Variants in HSF1 observed in about 807,000 individuals in gnomAD.
The protein encoded by HSF1 is heat shock transcription factor 1.
HSF1 carries 32 observed loss-of-function variants against 51.7 expected under a neutral mutation model. That is an observed-to-expected ratio of 0.62 (90% CI 0.47 to 0.83). The LOEUF (loss-of-function observed/expected upper bound fraction) is 0.83, where lower values mean the gene tolerates loss of function less well. Ranked by LOEUF, HSF1 falls within the 40% of genes least tolerant of loss-of-function variation. The probability of loss-of-function intolerance (pLI) is 0.00; values close to 1 mark genes in which losing one functional copy is unlikely to be tolerated. For missense variants in HSF1, 727 were observed against 717.0 expected, an observed-to-expected ratio of 1.01 and a Z score of -0.16; for synonymous variants, 396 against 309.7, an observed-to-expected ratio of 1.28 and a Z score of -2.92.
chr8:144,297,665 G>C lies in HSF1; in HGVS notation c.117+5791G>C, dbSNP rs570523214. Among the ~76,000 whole-genome samples, 12 of 152,036 alleles carry C rather than the reference G, an allele frequency of 7.9e-5. No individual in the cohort carries two copies. The highest frequency in any genetic ancestry group is 2.4e-4 in the African/African-American group (10 of 41,392). On this transcript the variant is annotated intron_variant, in intron 1 of 12. Coordinates refer to ENST00000528838, the MANE Select transcript of HSF1 (RefSeq NM_005526.4). This position sits in a 1 kb window ranked among gnomAD's most constrained non-coding sequence, Gnocchi z 4.6. ...ACGTGGGCCACAGCTACTCACACAC[G>C]CGCTCCCTTTGCTCCTAAAGCCTAT...
chr8:144,312,463 G>A, intron 9 of HSF1: 1 of 715,238 alleles, frequency 1.4e-6, no homozygotes, highest in East Asian at 2.7e-5. Flanking sequence ...CAGGCTGCCG[G>A]GCCCTGCTCT....
chr8:144,303,070 T>G (rs1406401915), intron 1 of HSF1, among the ~76,000 whole-genome samples: 3 of 152,040 alleles, frequency 2.0e-5, no homozygotes, highest in Non-Finnish European at 4.4e-5. Context: ...GAGTTGCATG[T>G]GAAATTCAGC....
At chr8:144,307,478 G>A (rs1171848006) in intron 1 of HSF1, among the ~76,000 whole-genome samples, 3 of 152,230 alleles carry the variant, frequency 2.0e-5, no homozygotes, top group Non-Finnish European at 4.4e-5. Flanking sequence ...AGAGGCTCAC[G>A]CCTGTAATCC....
chr8:144,301,058 A>G (rs1815829059), intron 1 of HSF1, among the ~76,000 whole-genome samples: 2 of 152,252 alleles, frequency 1.3e-5, no homozygotes, highest in African/African-American at 2.4e-5. Flanking sequence ...CCGAGCTTCA[A>G]GGACATAATA....
chr8:144,300,998 G>T (rs1315690539), intron 1 of HSF1, among the ~76,000 whole-genome samples: 3 of 152,200 alleles, frequency 2.0e-5, no homozygotes, highest in African/African-American at 7.2e-5. Flanking sequence ...AAAAGCAATG[G>T]AAACTGTCCA....
intron 1 of HSF1, among the ~76,000 whole-genome samples, chr8:144,304,230 T>A (rs965727294): frequency 2.6e-5 from 4 of 152,210 alleles, no homozygotes; most frequent in Admixed American, 1.3e-4. Flanking sequence ...AAGAGGAGGC[T>A]GAGGCTCAGA....
rs782778095 is a variant in HSF1 at position 144,312,072 on chromosome 8, C to T, written c.970C>T (p.Leu324Phe). The T allele has an allele frequency of 3.7e-6, 6 of 1,612,440 alleles. No homozygotes were observed. The South Asian group carries it at 5.5e-5, about 15-fold the overall frequency. The change falls in exon 9 of 13, where the codon CTC becomes TTC. Residue 324 changes from leucine to phenylalanine, a missense_variant. Leu to Phe is a conservative substitution (Grantham distance 22, BLOSUM62 0). Transcript: ENST00000528838. ...SPGRPSSVDTLLSPTALIDSI... is the reference protein window; with the variant it reads ...SPGRPSSVDTFLSPTALIDSI... ...CGGGCGCCCATCTTCCGTGGACACC[C>T]TCTTGTCCCCGACCGCCCTCATTGA...
chr8:144,306,652 C>G, intron 1 of HSF1, among the ~76,000 whole-genome samples: 1 of 152,304 alleles, frequency 6.6e-6, no homozygotes, highest in Non-Finnish European at 1.5e-5. Context: ...CGTGAACCAG[C>G]GCAGCCGGCT....
At chr8:144,305,323 C>A (rs1229827741) in intron 1 of HSF1, among the ~76,000 whole-genome samples, 2 of 150,902 alleles carry the variant, frequency 1.3e-5, no homozygotes, top group Non-Finnish European at 2.9e-5. Context: ...TTTTTTGAGA[C>A]AGAGTCTCTT....
chr8:144,291,741 T>G lies in HSF1; in HGVS notation c.-17T>G, dbSNP rs1554840365. ...TCTTTGCGGCCGCTCCCTCCGCCTA[T>G]TCCCTCCTTGCTCGAGATGGATCTG... On this transcript the variant is annotated 5_prime_UTR_variant, in exon 1 of 13. Coordinates refer to ENST00000528838, the MANE Select transcript of HSF1 (RefSeq NM_005526.4). This position sits in a 1 kb window ranked among gnomAD's most constrained non-coding sequence, Gnocchi z 4.1. 2.8e-6 allele frequency: 4 copies of G among 1,435,042 alleles called. No individual in the cohort carries two copies. In the Admixed American group the frequency reaches 8.7e-5, roughly 31 times the overall value. The allele number at this position is 1,435,042 out of a possible 1,614,324, so 88.9% of individuals were successfully genotyped here. A position where few individuals can be genotyped will look rare whatever the true frequency, so the allele number is the denominator to read the frequency against.
At chr8:144,304,947 C>CTTT (rs141886614) in intron 1 of HSF1, among the ~76,000 whole-genome samples, 6 of 138,858 alleles carry the variant, frequency 4.3e-5, no homozygotes, top group Admixed American at 7.2e-5. Context: ...CATTTTAATC[C>CTTT]TTTTTTTTTT....
chr8:144,298,594 G>C (rs1275689550), intron 1 of HSF1, among the ~76,000 whole-genome samples: 1 of 123,726 alleles, frequency 8.1e-6, no homozygotes, highest in African/African-American at 3.1e-5. Context: ...GCGAGAAACT[G>C]TCTCAAAAAA....
intron 2 of HSF1, 191 bp from the exon 3 acceptor site, chr8:144,309,264 A>G: frequency 1.3e-6 from 1 of 741,624 alleles, no homozygotes; most frequent in Non-Finnish European, 2.2e-6. Context: ...TGTCGGGCGC[A>G]GGGAGCCCTG....
Position 144,309,543 on chromosome 8 carries a change from G to A in HSF1, c.315G>A (p.Leu105=). 2 of 1,614,078 alleles carry A rather than the reference G, an allele frequency of 1.2e-6. No individual in the cohort carries two copies. Among genetic ancestry groups the A allele is most frequent in the Non-Finnish European group, 8.5e-7 (1 of 1,180,020 alleles). ...DDTEFQHPCF[L]RGQEQLLENI... The stretch of plus-strand genomic sequence containing the variant: ...CGGAGTTCCAGCACCCATGCTTCCT[G>A]CGTGGCCAGGAGCAGCTCCTTGAGA... Residue 105 remains leucine, a synonymous_variant, in exon 3 of 13, where the codon CTG becomes CTA. Transcript: ENST00000528838.
chr8:144,297,045 T>G lies in HSF1; in HGVS notation c.117+5171T>G, dbSNP rs1311323245. On this transcript the variant is annotated intron_variant, in intron 1 of 12. Coordinates refer to ENST00000528838, the MANE Select transcript of HSF1 (RefSeq NM_005526.4). The surrounding 1 kb of genome is among the most constrained non-coding windows in gnomAD (Gnocchi z 4.6). ...CCACCCAACTCCACAGGCTAGTGTT[T>G]GCTCAGTCCTTTATTGAGGGACCAG... is the stretch of plus-strand genomic sequence containing the variant. Among the ~76,000 whole-genome samples the G allele has an allele frequency of 2.0e-5, 3 of 152,130 alleles. No individual in the cohort carries two copies. The highest frequency in any genetic ancestry group is 4.4e-5 in the Non-Finnish European group (3 of 68,026).
intron 10 of HSF1, 65 bp downstream of exon 10, chr8:144,313,681 G>GCGCCTCCCCGCCTCCCCGCCTCCCGGCCT (rs1378860153): frequency 3.5e-5 from 1 of 28,412 alleles, no homozygotes; most frequent in African/African-American, 3.1e-4. Context: ...CCGCCTCCCC[G>GCGCCTCCCCGCCTCCCCGCCTCCCGGCCT]CCCCGCCTCC....
chr8:144,294,482 C>T (rs1169597683), intron 1 of HSF1, among the ~76,000 whole-genome samples: 4 of 152,220 alleles, frequency 2.6e-5, no homozygotes, highest in East Asian at 3.9e-4. Context: ...AAAACCCTCC[C>T]TATTTGACAC....
chr8:144,292,551 A>G (rs1554840561), intron 1 of HSF1: 4 of 152,254 alleles, frequency 2.6e-5, no homozygotes, highest in Non-Finnish European at 5.9e-5. Context: ...TTGCAGAAGT[A>G]AATCAGTGAT....
At position 144,299,676 on chromosome 8, in the gene HSF1, G is replaced by A. The variant is rs1271713024; in HGVS notation, c.117+7802G>A. Among the ~76,000 whole-genome samples, 19 of 152,120 alleles carry A rather than the reference G, an allele frequency of 1.2e-4. 1 individual carries two copies. Among genetic ancestry groups the A allele is most frequent in the Admixed American group, 9.8e-4 (15 of 15,262 alleles). On this transcript the variant is annotated intron_variant, in intron 1 of 12. Coordinates refer to ENST00000528838, the MANE Select transcript of HSF1 (RefSeq NM_005526.4). Reference sequence around the variant, plus strand: ...TGTAATCCCAGCACTCTGGGAGGCCGAGGCGGGTGGATCACGAGGTCAGGA... The same window carrying A: ...TGTAATCCCAGCACTCTGGGAGGCCAAGGCGGGTGGATCACGAGGTCAGGA...
Sources: allele counts gnomAD v4.1 joint callset (sites outside exome capture counted in the v4.1 genomes callset), GRCh38; gene constraint gnomAD v4.1.1; non-coding constraint Gnocchi (gnomAD v3.1); transcripts MANE v1.5; gene names NCBI Gene and HGNC (gene_info 2026-07-23, HGNC 2026-07-21).